The following DLG2 variants were observed in gnomAD, a reference collection of about 807,000 sequenced individuals.
The protein encoded by DLG2 is discs large MAGUK scaffold protein 2.
In DLG2, 45 loss-of-function variants were observed where a neutral mutation model predicts 132.5. That is an observed-to-expected ratio of 0.34 (90% CI 0.27 to 0.44). The LOEUF (loss-of-function observed/expected upper bound fraction) is 0.44, where lower values mean the gene tolerates loss of function less well. Ranked by LOEUF, DLG2 falls within the 20% of genes least tolerant of loss-of-function variation. DLG2 has a pLI of 1.00. For synonymous variants in DLG2, 424 were observed against 419.6 expected (o/e 1.01, Z -0.13); for missense variants, 1,045 against 1,196.9 (o/e 0.87, Z 1.87).
chr11:85,479,763 G>T (rs942970863), intron 3 of DLG2, among the ~76,000 whole-genome samples: 7 of 152,162 alleles, frequency 4.6e-5, no homozygotes, highest in African/African-American at 1.4e-4. Flanking sequence ...TGAGATCAAG[G>T]TATCAGTAGT....
intron 3 of DLG2, among the ~76,000 whole-genome samples, chr11:85,508,144 G>A (rs1320972673): frequency 1.3e-5 from 2 of 152,166 alleles, no homozygotes; most frequent in Non-Finnish European, 2.9e-5. Context: ...TTTGCAATGG[G>A]TTCAAATATC....
At chr11:84,883,468 A>AAAAAT (rs140552826) in intron 6 of DLG2, among the ~76,000 whole-genome samples, 12,094 of 151,940 alleles carry the variant, frequency 0.08, 1,024 homozygotes, top group African/African-American at 0.21. Flanking sequence ...CACAAAAGTA[A>AAAAAT]AAAATAAAAT....
chr11:83,824,356 G>T (rs927564739), intron 17 of DLG2, among the ~76,000 whole-genome samples: 2 of 151,982 alleles, frequency 1.3e-5, no homozygotes, highest in Non-Finnish European at 2.9e-5. Flanking sequence ...CTATTTATTT[G>T]TCTGTCTCCC....
intron 6 of DLG2, among the ~76,000 whole-genome samples, chr11:84,552,533 T>C (rs2099403807): frequency 6.6e-6 from 1 of 152,214 alleles, no homozygotes; most frequent in South Asian, 2.1e-4. Flanking sequence ...ATCAGTCATC[T>C]ACACCTCACC....
At chr11:84,971,822 G>A (rs1267178102) in intron 6 of DLG2, among the ~76,000 whole-genome samples, 1 of 151,984 alleles carries the variant, frequency 6.6e-6, no homozygotes, top group South Asian at 2.1e-4. Flanking sequence ...AATTAAGGAA[G>A]TCAAAAAAGC....
intron 4 of DLG2, among the ~76,000 whole-genome samples, chr11:85,160,949 C>T (rs1481000272): frequency 6.6e-6 from 1 of 151,644 alleles, no homozygotes; most frequent in Non-Finnish European, 1.5e-5. Context: ...CAGTGTACCT[C>T]GTTCCACACT....
chr11:83,763,907 T>A (rs1416528359), intron 18 of DLG2, among the ~76,000 whole-genome samples: 1 of 152,214 alleles, frequency 6.6e-6, no homozygotes, highest in Non-Finnish European at 1.5e-5. Flanking sequence ...ATTGATTGTC[T>A]ATTTTGCCGG....
chr11:84,127,182 T>C (rs1305025266), intron 9 of DLG2, among the ~76,000 whole-genome samples: 4 of 152,188 alleles, frequency 2.6e-5, no homozygotes, highest in Admixed American at 6.5e-5. Flanking sequence ...AGAAGGTAAG[T>C]CTGCATGACT....
intron 18 of DLG2, among the ~76,000 whole-genome samples, chr11:83,784,224 T>C (rs894604463): frequency 6.6e-6 from 1 of 152,246 alleles, no homozygotes; most frequent in African/African-American, 2.4e-5. Flanking sequence ...TGGAATCTCA[T>C]GAGGCACTCT....
intron 16 of DLG2, among the ~76,000 whole-genome samples, chr11:83,852,421 T>C (rs2059934384): frequency 6.6e-6 from 1 of 152,220 alleles, no homozygotes; most frequent in Admixed American, 6.5e-5. Context: ...TATATTCAAA[T>C]GGCAAAGCTT....
At chr11:84,572,801 C>T (rs754910121) in intron 6 of DLG2, among the ~76,000 whole-genome samples, 17 of 152,054 alleles carry the variant, frequency 1.1e-4, no homozygotes, top group Non-Finnish European at 7.4e-5. Context: ...AAATAAATTC[C>T]CCAATCTCAG....
intron 6 of DLG2, among the ~76,000 whole-genome samples, chr11:84,967,326 T>C (rs951153195): frequency 5.9e-5 from 9 of 152,008 alleles, no homozygotes; most frequent in African/African-American, 2.2e-4. Flanking sequence ...AATTACTCAC[T>C]AAGAAATGGA....
intron 4 of DLG2, among the ~76,000 whole-genome samples, chr11:85,157,279 ATATATGT>A (rs1448480240): frequency 6.6e-6 from 1 of 152,016 alleles, no homozygotes; most frequent in Non-Finnish European, 1.5e-5. Context: ...GCACATATAT[ATATATGT>A]GATTCTAGAG....
At chr11:84,367,376 G>A (rs61897669) in intron 7 of DLG2, among the ~76,000 whole-genome samples, 54,276 of 151,982 alleles carry the variant, frequency 0.36, 14,547 homozygotes, top group African/African-American at 0.76. Context: ...CTGTGTTCCA[G>A]TGAAACTTTA....
At chr11:84,854,787 T>G (rs1029753460) in intron 6 of DLG2, among the ~76,000 whole-genome samples, 1 of 151,952 alleles carries the variant, frequency 6.6e-6, no homozygotes, top group African/African-American at 2.4e-5. Flanking sequence ...TACCCACCCA[T>G]GAATTGTGGA....
rs1335021509 is a variant in DLG2, at chr11:84,366,854, T to A, written c.520-115563A>T. The stretch of plus-strand genomic sequence containing the variant: ...ACAAAGAGACTTAGACTCCCACACA[T>A]TAATAATGGGAGACTTTAACACCCC... On this transcript the variant is annotated intron_variant, in intron 7 of 27. Transcript: ENST00000376104. 5.3e-5 allele frequency among the ~76,000 whole-genome samples: 8 copies of A among 152,022 alleles called. No homozygotes were observed. In the East Asian group the frequency reaches 1.5e-3, roughly 29 times the overall value.
At chr11:84,327,610 C>T (rs1234092399) in intron 7 of DLG2, among the ~76,000 whole-genome samples, 1 of 151,888 alleles carries the variant, frequency 6.6e-6, no homozygotes, top group Non-Finnish European at 1.5e-5. Context: ...TTTGTGGTTA[C>T]CATGAAGCTT....
intron 6 of DLG2, among the ~76,000 whole-genome samples, chr11:84,879,825 A>C (rs2087000155): frequency 6.6e-6 from 1 of 152,154 alleles, no homozygotes; most frequent in Non-Finnish European, 1.5e-5. Flanking sequence ...ATTTTGATCA[A>C]AGTGTAAAAG....
In DLG2 at chr11:83,533,374, G is replaced by T. The variant is rs564609235; in HGVS notation, c.2118-591C>A. Among the ~76,000 whole-genome samples the T allele has an allele frequency of 5.3e-5, 8 of 152,234 alleles. No individual in the cohort carries two copies. In the East Asian group the frequency reaches 9.6e-4, roughly 18 times the overall value. On this transcript the variant is annotated intron_variant, in intron 20 of 27. Coordinates refer to ENST00000376104, the MANE Select transcript of DLG2 (RefSeq NM_001142699.3). The stretch of plus-strand genomic sequence containing the variant: ...CCTACCATGTATCAAGCAAGGAGCT[G>T]GGGGACAAAGAAAAAATATTCTAAA...
Sources: allele counts gnomAD v4.1 joint callset (sites outside exome capture counted in the v4.1 genomes callset), GRCh38; gene constraint gnomAD v4.1.1; transcripts MANE v1.5; gene names NCBI Gene and HGNC (gene_info 2026-07-23, HGNC 2026-07-21).